The following BLM variants were observed in gnomAD, a reference collection of about 807,000 sequenced individuals.
The protein encoded by BLM is BLM RecQ like helicase.
A neutral mutation model predicts 135.3 loss-of-function variants in BLM; 95 were observed. The ratio of observed to expected loss-of-function variants is 0.70; its 90% confidence interval spans 0.59 to 0.83. The LOEUF is 0.83. Ranked by LOEUF, BLM falls within the 40% of genes least tolerant of loss-of-function variation. BLM has a pLI of 0.00. For missense variants in BLM, 1,518 were observed against 1,663.9 expected, an observed-to-expected ratio of 0.91 and a Z score of 1.53; for synonymous variants, 520 against 589.2, an observed-to-expected ratio of 0.88 and a Z score of 1.70.
In BLM at chr15:90,804,286, C is replaced by A. The variant is rs1897236255; in HGVS notation, c.3678C>A (p.Cys1226Ter). 1 of 1,614,082 alleles carries A rather than the reference C, an allele frequency of 6.2e-7. No individual in the cohort carries two copies. Among genetic ancestry groups the A allele is most frequent in the East Asian group, 2.2e-5 (1 of 44,886 alleles). ...GTCTTGGAGAACTTACAGAAGTCTG[C>A]AAATCTCTGGGGAAAGTTTTTGGTG... is the stretch of plus-strand genomic sequence containing the variant. ...KKCLGELTEV[C>*]KSLGKVFGVH... Residue 1226 changes from cysteine to a stop codon, truncating the protein, a stop_gained, in exon 19 of 22, where the codon TGC becomes TGA. Coordinates refer to ENST00000355112, the MANE Select transcript of BLM (RefSeq NM_000057.4). LOFTEE classifies it high-confidence loss of function.
At chr15:90,807,833 T>C (rs1419684461) in intron 19 of BLM, among the ~76,000 whole-genome samples, 1 of 152,204 alleles carries the variant, frequency 6.6e-6, no homozygotes, top group Non-Finnish European at 1.5e-5. Context: ...TTAGACTCAA[T>C]ACATGAGGTA....
Position 90,804,186 on chromosome 15 carries a change from A to C in BLM, c.3578A>C (p.Glu1193Ala). The change falls in exon 19 of 22, where the codon GAA becomes GCA. Residue 1193 changes from glutamate (E) to alanine (A), a missense_variant. Glu to Ala is a moderately radical substitution (Grantham distance 107). Around this residue, in one of 5 missense-constraint regions of BLM, gnomAD observed 626 missense variants for 681.1 expected, o/e 0.92. Coordinates refer to ENST00000355112, the MANE Select transcript of BLM (RefSeq NM_000057.4). ...GNLKVDFMET[E>A]NSSSVKKQKA... ...ATAAAGGTAGACTTTATGGAAACAG[A>C]AAATTCCAGCAGTGTGAAAAAACAA... The C allele has an allele frequency of 6.2e-7, 1 of 1,614,104 alleles. No individual in the cohort carries two copies. The highest frequency in any genetic ancestry group is 8.5e-7 in the Non-Finnish European group (1 of 1,179,934).
At chr15:90,717,787 A>G (rs1215951260) in intron 1 of BLM, among the ~76,000 whole-genome samples, 1 of 151,868 alleles carries the variant, frequency 6.6e-6, no homozygotes, top group African/African-American at 2.4e-5. Context: ...TGGCACTACT[A>G]CCTCCGTGTC....
rs148861300 is a variant in BLM at position 90,749,718 on chromosome 15, C to T, written c.450C>T (p.Thr150=). Residue 150 remains threonine, a synonymous_variant, in exon 3 of 22, where the codon ACC becomes ACT. Transcript: ENST00000355112. ...EFSSSPDSLS[T]INDWDDMDDF... is the part of the protein sequence containing the mutation. Reference sequence around the variant, plus strand: ...GTTCTTCACCAGATTCTTTAAGTACCATCAATGATTGGGATGATATGGATG... The same window carrying T: ...GTTCTTCACCAGATTCTTTAAGTACTATCAATGATTGGGATGATATGGATG... 1.4e-5 allele frequency: 23 copies of T among 1,614,012 alleles called. No homozygotes were observed. In the African/African-American group the frequency reaches 2.1e-4, roughly 15 times the overall value.
chr15:90,794,662 G>C (rs928505686), intron 16 of BLM, among the ~76,000 whole-genome samples: 9 of 150,166 alleles, frequency 6.0e-5, no homozygotes, highest in Non-Finnish European at 1.2e-4. Context: ...CATCCAAAAA[G>C]ATCCAACATG....
chr15:90,813,465 C>T (rs960876389), intron 21 of BLM, among the ~76,000 whole-genome samples: 1 of 152,134 alleles, frequency 6.6e-6, no homozygotes, highest in Admixed American at 6.5e-5. Context: ...ACCATCTTGG[C>T]TCACTGCAGC....
intron 5 of BLM, among the ~76,000 whole-genome samples, chr15:90,757,924 C>G (rs1179163913): frequency 1.3e-5 from 2 of 151,052 alleles, no homozygotes; most frequent in Non-Finnish European, 2.9e-5. Context: ...CTCTGTCACC[C>G]AGGCTAAAGT....
chr15:90,735,979 T>A lies in BLM; in HGVS notation c.-4-11410T>A, dbSNP rs933525985. Among the ~76,000 whole-genome samples, 11 of 152,230 alleles carry A rather than the reference T, an allele frequency of 7.2e-5. 1 individual carries two copies. In the East Asian group the frequency reaches 7.7e-4, roughly 11 times the overall value. ...GAATACATGAGCAGATACAATTTTT[T>A]AAAAAGATTCAAAAACCATCCTTAA... is the stretch of plus-strand genomic sequence containing the variant. On this transcript the variant is annotated intron_variant, in intron 1 of 21. Transcript: ENST00000355112.
chr15:90,722,270 C>T (rs928016282), intron 1 of BLM, among the ~76,000 whole-genome samples: 24 of 151,920 alleles, frequency 1.6e-4, no homozygotes, highest in South Asian at 1.2e-3. Context: ...CCACCAGGCC[C>T]GGCTAATTTT....
At chr15:90,809,039 G>A (rs1897345246) in intron 19 of BLM, 98 bp from the exon 20 acceptor site, 4 of 1,534,860 alleles carry the variant, frequency 2.6e-6, no homozygotes, top group African/African-American at 2.7e-5. Flanking sequence ...CAGTTAGTTG[G>A]CACTTAGCAG....
At chr15:90,756,346 G>A (rs559923474) in intron 5 of BLM, among the ~76,000 whole-genome samples, 12 of 151,832 alleles carry the variant, frequency 7.9e-5, no homozygotes, top group Admixed American at 3.3e-4. Flanking sequence ...CTTGTGATCC[G>A]CCCACCTCGG....
Position 90,774,904 on chromosome 15 carries a change from T to C in BLM, c.2555+5318T>C, listed in dbSNP as rs375110377. 2.0e-5 allele frequency among the ~76,000 whole-genome samples: 3 copies of C among 151,564 alleles called. No homozygotes were observed. In the South Asian group the frequency reaches 6.3e-4, roughly 32 times the overall value. On this transcript the variant is annotated intron_variant, in intron 12 of 21. Transcript: ENST00000355112. ...TAGAGAAGGGATGACCCTGACAAGG[T>C]GGCTTGACGCCAGATCATGGAGGAT...
At chr15:90,721,361 C>T (rs961731327) in intron 1 of BLM, among the ~76,000 whole-genome samples, 1 of 151,942 alleles carries the variant, frequency 6.6e-6, no homozygotes, top group Non-Finnish European at 1.5e-5. Context: ...GAGTCTCATC[C>T]TGTTGCTGAG....
intron 14 of BLM, among the ~76,000 whole-genome samples, chr15:90,787,853 G>C (rs1299810589): frequency 6.6e-6 from 1 of 152,066 alleles, no homozygotes; most frequent in East Asian, 1.9e-4. Context: ...AGGAGGCTGA[G>C]GCAGGGGAAT....
intron 20 of BLM, 59 bp from the exon 21 acceptor site, chr15:90,811,146 C>T: frequency 2.5e-6 from 4 of 1,581,710 alleles, no homozygotes; most frequent in Non-Finnish European, 3.5e-6. Flanking sequence ...TTCATATACA[C>T]TAAAAACACG....
At chr15:90,793,948 A>G (rs1025688450) in intron 15 of BLM, 5 of 245,106 alleles carry the variant, frequency 2.0e-5, no homozygotes, top group Admixed American at 1.8e-4. Flanking sequence ...TGAAGATTTG[A>G]AAAAAAAAAA....
intron 17 of BLM, among the ~76,000 whole-genome samples, chr15:90,801,694 A>G (rs1897168352): frequency 6.6e-6 from 1 of 152,204 alleles, no homozygotes; most frequent in Non-Finnish European, 1.5e-5. Context: ...AGCTGAAAAC[A>G]AAAACTGTTT....
chr15:90,775,030 C>A (rs913320722), intron 12 of BLM, among the ~76,000 whole-genome samples: 1 of 152,028 alleles, frequency 6.6e-6, no homozygotes, highest in African/African-American at 2.4e-5. Flanking sequence ...ATAACCCTGG[C>A]AAGAGAATAG....
Position 90,794,147 on chromosome 15 carries a change from A to G in BLM, c.3020-20A>G, listed in dbSNP as rs2151187095. The G allele has an allele frequency of 6.4e-7, 1 of 1,561,846 alleles. No homozygotes were observed. The highest frequency in any genetic ancestry group is 1.1e-5 in the South Asian group (1 of 87,844). ...TTTTCCCCTATAAGTATGTCTTACT[A>G]TAGTCTTCATCTCTTTTAGTGGAAA... On this transcript the variant is annotated intron_variant, in intron 15 of 21. Coordinates refer to ENST00000355112, the MANE Select transcript of BLM (RefSeq NM_000057.4).
Sources: gnomAD v4.1 joint callset for allele counts (sites outside exome capture counted in the v4.1 genomes callset) on GRCh38, gnomAD v4.1.1 for gene constraint, gnomAD v4.1.1 regional missense constraint, MANE v1.5 for transcripts, NCBI Gene and HGNC (gene_info 2026-07-23, HGNC 2026-07-21) for gene names.